The following AFF3 variants were observed in gnomAD, a reference collection of about 807,000 sequenced individuals.
AFF3 encodes the protein ALF transcription elongation factor 3, also known as AF4/FMR2 family member 3.
In AFF3, 32 loss-of-function variants were observed where a neutral mutation model predicts 129.7. The ratio of observed to expected loss-of-function variants is 0.25; its 90% confidence interval spans 0.19 to 0.33. The LOEUF is 0.33. AFF3 is among the 10% of genes least tolerant of loss of function. AFF3 has a pLI of 1.00. For synonymous variants in AFF3, 644 were observed against 635.4 expected, an observed-to-expected ratio of 1.01 and a Z score of -0.20; for missense variants, 1,373 against 1,592.0, an observed-to-expected ratio of 0.86 and a Z score of 2.34.
chr2:100,024,921 G>C (rs1263508470), intron 4 of AFF3, among the ~76,000 whole-genome samples: 1 of 152,122 alleles, frequency 6.6e-6, no homozygotes, highest in Non-Finnish European at 1.5e-5. Flanking sequence ...GTGGTGAGGA[G>C]TGGGGAAGAA....
intron 7 of AFF3, among the ~76,000 whole-genome samples, chr2:99,973,629 C>T (rs1678601543): frequency 6.6e-6 from 1 of 152,112 alleles, no homozygotes; most frequent in Admixed American, 6.6e-5. Context: ...ACTGCATAAG[C>T]TCCAATTGCC....
chr2:100,028,955 T>C (rs959083636), intron 4 of AFF3, among the ~76,000 whole-genome samples: 18 of 150,618 alleles, frequency 1.2e-4, no homozygotes, highest in African/African-American at 4.4e-4. Context: ...CTTGGAGAGA[T>C]ATCTACACCC....
intron 11 of AFF3, among the ~76,000 whole-genome samples, chr2:99,708,276 G>C (rs987073447): frequency 6.6e-6 from 1 of 152,152 alleles, no homozygotes; most frequent in African/African-American, 2.4e-5. Context: ...ACAACTCCTG[G>C]AAGAAGAGAA....
chr2:99,717,107 T>C (rs1213475810), intron 11 of AFF3, among the ~76,000 whole-genome samples: 1 of 152,230 alleles, frequency 6.6e-6, no homozygotes, highest in Non-Finnish European at 1.5e-5. Flanking sequence ...TTCCATTGTA[T>C]GAATATACCA....
intron 24 of AFF3, among the ~76,000 whole-genome samples, chr2:99,553,742 C>T (rs903384056): frequency 5.9e-5 from 9 of 151,292 alleles, no homozygotes; most frequent in Non-Finnish European, 1.2e-4. Context: ...TGAAACCCCG[C>T]CTCTACTAAA....
chr2:100,073,661 T>C (rs949050149), intron 4 of AFF3, among the ~76,000 whole-genome samples: 4 of 152,196 alleles, frequency 2.6e-5, no homozygotes, highest in Non-Finnish European at 4.4e-5. Flanking sequence ...CACTAACCTC[T>C]TTCTCAAATA....
intron 4 of AFF3, among the ~76,000 whole-genome samples, chr2:100,053,841 A>G (rs567757293): frequency 6.6e-6 from 1 of 152,288 alleles, no homozygotes; most frequent in East Asian, 1.9e-4. Context: ...GGGGCTCTGA[A>G]GGGGCCTGAA....
At chr2:99,876,141 C>T (rs1399362119) in intron 7 of AFF3, among the ~76,000 whole-genome samples, 3 of 152,126 alleles carry the variant, frequency 2.0e-5, no homozygotes, top group African/African-American at 4.8e-5. Context: ...CTTCTCACTC[C>T]ATGCTCATTC....
rs1177857223 is a variant in AFF3, at chr2:100,100,844, G to A, written c.53+3558C>T. Among the ~76,000 whole-genome samples, 7 of 152,322 alleles carry A rather than the reference G, an allele frequency of 4.6e-5. No individual in the cohort carries two copies. The East Asian group carries it at 1.2e-3, about 25-fold the overall frequency. ...ATGTCTAGCACCTAATCAAAAGCTG[G>A]TGGACCACAGAAGGAAGACCAGGGA... On this transcript the variant is annotated intron_variant, in intron 4 of 24. Coordinates refer to ENST00000672756, the MANE Select transcript of AFF3 (RefSeq NM_001386135.1).
At chr2:99,955,450 T>C (rs1398716810) in intron 7 of AFF3, among the ~76,000 whole-genome samples, 5 of 152,164 alleles carry the variant, frequency 3.3e-5, no homozygotes, top group Non-Finnish European at 7.4e-5. Flanking sequence ...CTTATGATTG[T>C]TTAACATCTT....
At chr2:99,732,247 C>A (rs1046678177) in intron 10 of AFF3, among the ~76,000 whole-genome samples, 1 of 150,432 alleles carries the variant, frequency 6.6e-6, no homozygotes, top group African/African-American at 2.5e-5. Flanking sequence ...CCTAGCTACT[C>A]GGGAGGCTGA....
chr2:99,993,607 GAC>G (rs779955211), intron 7 of AFF3, among the ~76,000 whole-genome samples: 2 of 151,354 alleles, frequency 1.3e-5, no homozygotes, highest in Non-Finnish European at 2.9e-5. Context: ...AAACAAAATG[GAC>G]ACTTCAAAAT....
chr2:99,652,215 C>T, intron 12 of AFF3, among the ~76,000 whole-genome samples: 1 of 152,130 alleles, frequency 6.6e-6, no homozygotes, highest in Non-Finnish European at 1.5e-5. Flanking sequence ...GCATTGATAG[C>T]ACTGGGCTAG....
At chr2:99,888,870 A>AT (rs1558948450) in intron 7 of AFF3, among the ~76,000 whole-genome samples, 1 of 152,144 alleles carries the variant, frequency 6.6e-6, no homozygotes, top group East Asian at 1.9e-4. Flanking sequence ...TCACAGCACC[A>AT]TTTTTTATCC....
intron 4 of AFF3, among the ~76,000 whole-genome samples, chr2:100,065,870 T>C (rs543718379): frequency 7.2e-5 from 11 of 152,328 alleles, no homozygotes; most frequent in South Asian, 4.1e-4. Flanking sequence ...AAATTAAGTA[T>C]AAAAGAGTTT....
At chr2:99,802,693 C>CTT (rs57516339) in intron 8 of AFF3, among the ~76,000 whole-genome samples, 28 of 122,550 alleles carry the variant, frequency 2.3e-4, no homozygotes, top group African/African-American at 8.5e-4. Flanking sequence ...CCTAGGGTGT[C>CTT]TTTTTTTTTT....
At position 99,660,216 on chromosome 2, in the gene AFF3, C is replaced by T. The variant is rs919559156; in HGVS notation, c.1144-10550G>A. On this transcript the variant is annotated intron_variant, in intron 12 of 24. Transcript: ENST00000672756. ...GGTTGAGTAATATGAAAGCAACTAG[C>T]GCCTAAATTGTGAAATACAAATGTT... 1.4e-4 allele frequency among the ~76,000 whole-genome samples: 22 copies of T among 152,156 alleles called. 1 individual carries two copies. Among genetic ancestry groups the T allele is most frequent in the South Asian group, 6.2e-4 (3 of 4,830 alleles).
intron 10 of AFF3, among the ~76,000 whole-genome samples, chr2:99,738,950 T>C (rs1190500911): frequency 1.3e-5 from 2 of 151,942 alleles, no homozygotes; most frequent in Non-Finnish European, 2.9e-5. Context: ...GGTCTGGTAC[T>C]ATCTTAGAAT....
At chr2:100,066,755 C>T (rs1687753292) in intron 4 of AFF3, among the ~76,000 whole-genome samples, 2 of 152,152 alleles carry the variant, frequency 1.3e-5, no homozygotes, top group Non-Finnish European at 2.9e-5. Context: ...AGTTATATTG[C>T]TTTGAAGAAA....
Sources: gnomAD v4.1 joint callset for allele counts (sites outside exome capture counted in the v4.1 genomes callset) on GRCh38, gnomAD v4.1.1 for gene constraint, MANE v1.5 for transcripts, NCBI Gene and HGNC (gene_info 2026-07-23, HGNC 2026-07-21) for gene names.